Variants in BRINP1 observed in about 807,000 individuals in gnomAD.
BRINP1 encodes the protein BMP/retinoic acid inducible neural specific 1, also known as BMP/retinoic acid-inducible neural-specific protein 1.
BRINP1 carries 17 observed loss-of-function variants against 72.9 expected under a neutral mutation model. That is an observed-to-expected ratio of 0.23 (90% CI 0.16 to 0.35). The LOEUF (loss-of-function observed/expected upper bound fraction) is 0.35. BRINP1 is among the 10% of genes least tolerant of loss of function. The pLI is 1.00. For synonymous variants in BRINP1, 418 were observed against 378.5 expected, an observed-to-expected ratio of 1.10 and a Z score of -1.21; for missense variants, 850 against 1,001.6, an observed-to-expected ratio of 0.85 and a Z score of 2.04.
chr9:119,221,986 C>T (rs144790971), intron 5 of BRINP1, among the ~76,000 whole-genome samples: 2,002 of 152,148 alleles, frequency 0.013, 26 homozygotes, highest in Middle Eastern at 0.027. Context: ...TTATAATGTC[C>T]CCTCTTAGAG....
rs545954621 is a variant in BRINP1, at chr9:119,246,226, G to C, written c.409+2734C>G. On this transcript the variant is annotated intron_variant, in intron 3 of 7. Coordinates refer to ENST00000265922, the MANE Select transcript of BRINP1 (RefSeq NM_014618.3). ...ACTTCATTGGATTGAAGGATGCAAA[G>C]TATTGTTCCTGGGTGTGTCTGTGAG... 3.3e-5 allele frequency among the ~76,000 whole-genome samples: 5 copies of C among 152,342 alleles called. No individual in the cohort carries two copies. In the East Asian group the frequency reaches 9.7e-4, roughly 29 times the overall value.
intron 5 of BRINP1, among the ~76,000 whole-genome samples, chr9:119,217,259 A>T (rs1006318623): frequency 2.6e-5 from 4 of 152,000 alleles, no homozygotes; most frequent in African/African-American, 9.7e-5. Flanking sequence ...TGTTTGAAAG[A>T]TATACAGCTG....
chr9:119,282,376 G>A (rs534589986), intron 2 of BRINP1, among the ~76,000 whole-genome samples: 20 of 152,192 alleles, frequency 1.3e-4, no homozygotes, highest in Non-Finnish European at 2.2e-4. Context: ...GTAAGATCCA[G>A]CAAAATGGGT....
rs1337200623 is a variant in BRINP1, at chr9:119,208,797, A to T, written c.1067T>A (p.Ile356Asn). The T allele has an allele frequency of 6.2e-7, 1 of 1,614,186 alleles. No individual in the cohort carries two copies. The change falls in exon 7 of 8, where the codon ATC (isoleucine) becomes AAC (asparagine). Residue 356 changes from isoleucine (I) to asparagine (N), a missense_variant. Coordinates refer to ENST00000265922, the MANE Select transcript of BRINP1 (RefSeq NM_014618.3). The part of the protein sequence containing the change: ...QSATEAQRQK[I>N]QRTARKLFGL... The stretch of plus-strand genomic sequence containing the variant: ...GAAAAGCTTGCGGGCAGTGCGTTGG[A>T]TCTTTTGTCTCTGTGCCTCCGTGGC...
At chr9:119,243,643 T>C (rs1830282062) in intron 3 of BRINP1, among the ~76,000 whole-genome samples, 2 of 152,234 alleles carry the variant, frequency 1.3e-5, no homozygotes, top group East Asian at 1.9e-4. Flanking sequence ...TCTTCTACAA[T>C]GGTTGAACTA....
chr9:119,252,160 C>T (rs546787548), intron 2 of BRINP1, among the ~76,000 whole-genome samples: 6 of 152,186 alleles, frequency 3.9e-5, no homozygotes, highest in Middle Eastern at 3.4e-3. Context: ...GGCAAGGAGC[C>T]GAGGGAATCC....
chr9:119,367,221 G>GTTATATATATATATATAT (rs1564259756), intron 1 of BRINP1, among the ~76,000 whole-genome samples: 1 of 99,850 alleles, frequency 1.0e-5, no homozygotes, highest in Admixed American at 1.2e-4. Flanking sequence ...GTGTGTGATT[G>GTTATATATATATATATAT]ATATATATAT....
chr9:119,333,462 CAAAAAAA>C (rs544546221), intron 1 of BRINP1, among the ~76,000 whole-genome samples: 1 of 67,958 alleles, frequency 1.5e-5, no homozygotes, highest in African/African-American at 5.2e-5. Context: ...GACCTTGTTT[CAAAAAAA>C]AAAAAAAAAA....
chr9:119,209,126 C>T (rs1829891618), intron 6 of BRINP1, among the ~76,000 whole-genome samples, 185 bp from the exon 7 acceptor site: 1 of 152,184 alleles, frequency 6.6e-6, no homozygotes, highest in South Asian at 2.1e-4. Context: ...AGCTACTATG[C>T]TTTCTTATGA....
intron 7 of BRINP1, among the ~76,000 whole-genome samples, chr9:119,202,300 T>G (rs1829812816): frequency 6.6e-6 from 1 of 152,212 alleles, no homozygotes; most frequent in Admixed American, 6.5e-5. Context: ...TGTTAACTAT[T>G]AAATGTTGCC....
chr9:119,277,009 C>T (rs898829548), intron 2 of BRINP1, among the ~76,000 whole-genome samples: 3 of 152,082 alleles, frequency 2.0e-5, no homozygotes, highest in Admixed American at 1.3e-4. Context: ...ACTATTCTGC[C>T]GTCCATCCTT....
chr9:119,328,928 T>C (rs1177157929), intron 1 of BRINP1, among the ~76,000 whole-genome samples: 2 of 152,022 alleles, frequency 1.3e-5, no homozygotes, highest in African/African-American at 2.4e-5. Context: ...ATGAGAGCAG[T>C]GTGAGCAAAA....
At chr9:119,365,842 T>G (rs897074287) in intron 1 of BRINP1, among the ~76,000 whole-genome samples, 1 of 151,786 alleles carries the variant, frequency 6.6e-6, no homozygotes, top group Non-Finnish European at 1.5e-5. Flanking sequence ...GAGTCACAGC[T>G]CCCCCTTCTG....
intron 7 of BRINP1, among the ~76,000 whole-genome samples, chr9:119,191,874 A>G (rs1158798877): frequency 6.6e-6 from 1 of 151,974 alleles, no homozygotes; most frequent in African/African-American, 2.4e-5. Flanking sequence ...AGTGATCAAA[A>G]CAATATAGAA....
At chr9:119,356,585 C>A (rs531079029) in intron 1 of BRINP1, among the ~76,000 whole-genome samples, 1 of 151,986 alleles carries the variant, frequency 6.6e-6, no homozygotes, top group Admixed American at 6.6e-5. Context: ...GGTGGATCAC[C>A]TGAGGTCAGG....
At chr9:119,228,318 A>G (rs1003373401) in intron 5 of BRINP1, among the ~76,000 whole-genome samples, 2 of 152,082 alleles carry the variant, frequency 1.3e-5, no homozygotes, top group Non-Finnish European at 2.9e-5. Context: ...ACACACACAT[A>G]GGAATTATAT....
At chr9:119,251,459 A>G (rs1830386956) in intron 2 of BRINP1, among the ~76,000 whole-genome samples, 1 of 152,132 alleles carries the variant, frequency 6.6e-6, no homozygotes, top group African/African-American at 2.4e-5. Context: ...TAAAAACAAA[A>G]ACAGCCAGAA....
chr9:119,298,152 C>T (rs1013177562), intron 2 of BRINP1, among the ~76,000 whole-genome samples: 1 of 152,162 alleles, frequency 6.6e-6, no homozygotes, highest in African/African-American at 2.4e-5. Flanking sequence ...TGAAATCAGA[C>T]CATTTGAATG....
chr9:119,294,104 C>A (rs1248622620), intron 2 of BRINP1, among the ~76,000 whole-genome samples: 1 of 152,066 alleles, frequency 6.6e-6, no homozygotes, highest in Non-Finnish European at 1.5e-5. Flanking sequence ...AATCTGTGAA[C>A]TATCCAAAAA....
Sources: allele counts gnomAD v4.1 joint callset (sites outside exome capture counted in the v4.1 genomes callset), GRCh38; gene constraint gnomAD v4.1.1; transcripts MANE v1.5; gene names NCBI Gene and HGNC (gene_info 2026-07-23, HGNC 2026-07-21).